The following SLC24A3 variants were observed in gnomAD, a reference collection of about 807,000 sequenced individuals.
SLC24A3 encodes the protein solute carrier family 24 member 3, also known as sodium/potassium/calcium exchanger 3.
In SLC24A3, 28 loss-of-function variants were observed where a neutral mutation model predicts 75.8. The observed-to-expected ratio is 0.37, with a 90% CI of 0.27 to 0.51. The LOEUF is 0.51. SLC24A3 is among the 20% of genes least tolerant of loss of function. The pLI, the probability that SLC24A3 is intolerant of heterozygous loss-of-function variation, is 0.94. For missense variants in SLC24A3, 663 were observed against 847.8 expected (o/e 0.78, Z 2.71); for synonymous variants, 372 against 334.1 (o/e 1.11, Z -1.24).
At chr20:19,604,706 G>A (rs1236759114) in intron 6 of SLC24A3, among the ~76,000 whole-genome samples, 5 of 152,138 alleles carry the variant, frequency 3.3e-5, no homozygotes, top group South Asian at 2.1e-4. Context: ...GTGAGCCTCC[G>A]CCAGAGCCCT....
intron 1 of SLC24A3, among the ~76,000 whole-genome samples, chr20:19,227,164 A>G (rs1298515220): frequency 6.6e-6 from 1 of 152,214 alleles, no homozygotes; most frequent in Non-Finnish European, 1.5e-5. Flanking sequence ...ATTCAATTTG[A>G]TTGTAGAAAG....
At chr20:19,448,561 G>A (rs1306240782) in intron 2 of SLC24A3, among the ~76,000 whole-genome samples, 1 of 152,182 alleles carries the variant, frequency 6.6e-6, no homozygotes, top group African/African-American at 2.4e-5. Flanking sequence ...CCCAGAAGTA[G>A]TCTTGAGTGG....
At chr20:19,415,975 A>G (rs1268855626) in intron 2 of SLC24A3, among the ~76,000 whole-genome samples, 12 of 152,220 alleles carry the variant, frequency 7.9e-5, no homozygotes, top group Admixed American at 7.9e-4. Context: ...GGGTTCAGAC[A>G]GGCCTGGCTT....
At chr20:19,572,906 T>C (rs115468551) in intron 3 of SLC24A3, among the ~76,000 whole-genome samples, 166 of 152,326 alleles carry the variant, frequency 1.1e-3, no homozygotes, top group African/African-American at 3.9e-3. Context: ...AAAACTTTTA[T>C]ATTCCAAGCT....
intron 15 of SLC24A3, among the ~76,000 whole-genome samples, chr20:19,702,941 A>G (rs2032890794): frequency 6.6e-6 from 1 of 152,200 alleles, no homozygotes; most frequent in African/African-American, 2.4e-5. Context: ...GATTTGGTTA[A>G]AGCTGTGAAT....
chr20:19,489,707 C>T (rs1205590220), intron 2 of SLC24A3, among the ~76,000 whole-genome samples: 2 of 152,088 alleles, frequency 1.3e-5, no homozygotes, highest in Non-Finnish European at 2.9e-5. Flanking sequence ...TTCCTAGTGG[C>T]CCTGAGGATC....
At chr20:19,349,879 T>C (rs1985526253) in intron 2 of SLC24A3, among the ~76,000 whole-genome samples, 1 of 152,128 alleles carries the variant, frequency 6.6e-6, no homozygotes, top group Non-Finnish European at 1.5e-5. Context: ...TTTGCTCTGG[T>C]TGGTGTTTTG....
intron 6 of SLC24A3, among the ~76,000 whole-genome samples, chr20:19,640,576 C>A (rs1392366059): frequency 6.6e-6 from 1 of 152,010 alleles, no homozygotes; most frequent in African/African-American, 2.4e-5. Context: ...ATGGTGGAAC[C>A]CCTTTTCTAC....
At chr20:19,643,521 A>G (rs749911661) in intron 6 of SLC24A3, among the ~76,000 whole-genome samples, 1 of 152,124 alleles carries the variant, frequency 6.6e-6, no homozygotes, top group African/African-American at 2.4e-5. Flanking sequence ...ATTTTTAGAG[A>G]GATGAGAGAA....
At chr20:19,643,660 G>T (rs2032100652) in intron 6 of SLC24A3, among the ~76,000 whole-genome samples, 1 of 152,168 alleles carries the variant, frequency 6.6e-6, no homozygotes. Context: ...TTTAGGCAGG[G>T]TCTTACTTCC....
At chr20:19,216,724 C>T (rs1981570270) in intron 1 of SLC24A3, among the ~76,000 whole-genome samples, 2 of 152,192 alleles carry the variant, frequency 1.3e-5, no homozygotes, top group African/African-American at 4.8e-5. Context: ...TATGTATATA[C>T]TTTGAGCTAC....
At chr20:19,704,635 C>T (rs1273571660) in intron 15 of SLC24A3, among the ~76,000 whole-genome samples, 6 of 152,192 alleles carry the variant, frequency 3.9e-5, no homozygotes, top group South Asian at 2.1e-4. Context: ...GTGCAGATGT[C>T]ACTCTGTATT....
At chr20:19,627,489 T>C (rs1370170942) in intron 6 of SLC24A3, among the ~76,000 whole-genome samples, 2 of 152,148 alleles carry the variant, frequency 1.3e-5, no homozygotes, top group Non-Finnish European at 2.9e-5. Context: ...ACACTTTCCA[T>C]GGACACAAAG....
intron 6 of SLC24A3, among the ~76,000 whole-genome samples, chr20:19,645,243 A>G (rs779940495): frequency 5.3e-5 from 8 of 152,336 alleles, no homozygotes; most frequent in Middle Eastern, 3.4e-3. Flanking sequence ...TTAACACACT[A>G]TTCTGCAAAG....
intron 2 of SLC24A3, among the ~76,000 whole-genome samples, chr20:19,485,136 G>T (rs1394157112): frequency 2.0e-5 from 3 of 152,118 alleles, no homozygotes; most frequent in African/African-American, 7.2e-5. Flanking sequence ...TTTTTTAAAT[G>T]TGCAGCACTT....
At chr20:19,635,790 G>A (rs1301200935) in intron 6 of SLC24A3, among the ~76,000 whole-genome samples, 1 of 152,136 alleles carries the variant, frequency 6.6e-6, no homozygotes, top group Admixed American at 6.5e-5. Flanking sequence ...GGCAGCCTCA[G>A]GTTATCAGAT....
intron 3 of SLC24A3, among the ~76,000 whole-genome samples, chr20:19,538,677 A>G (rs2030443972): frequency 6.6e-6 from 1 of 152,256 alleles, no homozygotes; most frequent in Non-Finnish European, 1.5e-5. Context: ...CTGGAGGAAC[A>G]TAAATTGATG....
At chr20:19,567,471 C>T (rs1313374367) in intron 3 of SLC24A3, among the ~76,000 whole-genome samples, 2 of 152,044 alleles carry the variant, frequency 1.3e-5, no homozygotes, top group African/African-American at 4.8e-5. Context: ...CACATGGACA[C>T]AAAGCTGGGA....
At chr20:19,658,787 C>T (rs911516806) in intron 7 of SLC24A3, among the ~76,000 whole-genome samples, 2 of 152,138 alleles carry the variant, frequency 1.3e-5, no homozygotes, top group Non-Finnish European at 2.9e-5. Context: ...TAGAGCCCTT[C>T]CTTGTGCCCA....
Sources: gnomAD v4.1 joint callset for allele counts (sites outside exome capture counted in the v4.1 genomes callset) on GRCh38, gnomAD v4.1.1 for gene constraint, MANE v1.5 for transcripts, NCBI Gene and HGNC (gene_info 2026-07-23, HGNC 2026-07-21) for gene names.